Variants in GRIK1 observed in about 807,000 individuals in gnomAD.
The protein encoded by GRIK1 is glutamate ionotropic receptor kainate type subunit 1, also known as glutamate receptor ionotropic, kainate 1.
GRIK1 carries 69 observed loss-of-function variants against 105.7 expected under a neutral mutation model. The ratio of observed to expected loss-of-function variants is 0.65; its 90% CI spans 0.54 to 0.80. The LOEUF (loss-of-function observed/expected upper bound fraction) is 0.80. GRIK1 is among the 30% of genes least tolerant of loss of function. GRIK1 has a pLI of 0.00. For missense variants in GRIK1, 1,109 were observed against 1,167.3 expected, an observed-to-expected ratio of 0.95 and a Z score of 0.73; for synonymous variants, 438 against 431.3, an observed-to-expected ratio of 1.02 and a Z score of -0.19.
chr21:29,834,809 A>G (rs944924505), intron 1 of GRIK1, among the ~76,000 whole-genome samples: 6 of 150,366 alleles, frequency 4.0e-5, no homozygotes, highest in African/African-American at 1.5e-4. Flanking sequence ...TATTTATTCA[A>G]TATTAATATT....
intron 1 of GRIK1, among the ~76,000 whole-genome samples, chr21:29,813,425 A>C (rs2067065330): frequency 6.6e-6 from 1 of 152,178 alleles, no homozygotes; most frequent in African/African-American, 2.4e-5. Context: ...CACAAGAGAA[A>C]GCAGAGATTG....
At chr21:29,905,598 A>G (rs531755839) in intron 1 of GRIK1, among the ~76,000 whole-genome samples, 5 of 146,074 alleles carry the variant, frequency 3.4e-5, no homozygotes, top group South Asian at 4.3e-4. Context: ...AACACGCACC[A>G]TCATGCCCAG....
intron 7 of GRIK1, among the ~76,000 whole-genome samples, chr21:29,634,950 A>G (rs1324699813): frequency 6.6e-6 from 1 of 152,176 alleles, no homozygotes; most frequent in African/African-American, 2.4e-5. Flanking sequence ...TATGTATATC[A>G]CTTTGCTTAT....
At chr21:29,556,950 A>C (rs1344888110) in intron 15 of GRIK1, among the ~76,000 whole-genome samples, 1 of 152,232 alleles carries the variant, frequency 6.6e-6, no homozygotes, top group Non-Finnish European at 1.5e-5. Context: ...GTTTTGAATA[A>C]TTCAAATATC....
chr21:29,629,194 A>AT (rs71335084), intron 7 of GRIK1, among the ~76,000 whole-genome samples: 18 of 132,662 alleles, frequency 1.4e-4, no homozygotes, highest in African/African-American at 5.5e-4. Flanking sequence ...GAAAGGAGAA[A>AT]TGTGTGTGTG....
chr21:29,562,140 T>C (rs2090496610), intron 14 of GRIK1, among the ~76,000 whole-genome samples: 1 of 152,196 alleles, frequency 6.6e-6, no homozygotes, highest in African/African-American at 2.4e-5. Context: ...ACTCTGTTCA[T>C]TTCATGCATT....
rs117432080 is a variant in GRIK1 at position 29,857,944 on chromosome 21, G to T, written c.118+81439C>A. On this transcript the variant is annotated intron_variant, in intron 1 of 17. Coordinates refer to ENST00000327783, the MANE Select transcript of GRIK1 (RefSeq NM_001330994.2). ...AGACAGAATCTTGCTCTGTTGCCCA[G>T]TCTGGAGTGCGGTGTCACGATCTTG... is the stretch of plus-strand genomic sequence containing the variant. 2.0e-5 allele frequency among the ~76,000 whole-genome samples: 3 copies of T among 152,274 alleles called. No individual in the cohort carries two copies. In the East Asian group the frequency reaches 5.8e-4, roughly 29 times the overall value.
chr21:29,687,560 C>A (rs557880927), intron 3 of GRIK1, among the ~76,000 whole-genome samples: 1 of 152,252 alleles, frequency 6.6e-6, no homozygotes, highest in African/African-American at 2.4e-5. Context: ...CAATGGGCGA[C>A]ATACGAAATC....
At chr21:29,876,112 ATGTGTGTGTGTGTGTG>A (rs1555903193) in intron 1 of GRIK1, among the ~76,000 whole-genome samples, 1 of 148,976 alleles carries the variant, frequency 6.7e-6, no homozygotes, top group Non-Finnish European at 1.5e-5. Context: ...GGAGATAGAT[ATGTGTGTGTGTGTGTG>A]TGTGTGTGTG....
rs145867657 is a variant in GRIK1 at position 29,732,397 on chromosome 21, G to A, written c.119-38334C>T. 1.4e-3 allele frequency among the ~76,000 whole-genome samples: 210 copies of A among 152,236 alleles called. 5 individuals carry two copies. The East Asian group carries it at 0.032, about 23-fold the overall frequency. ...TCACTGTTTTTCCCCAACCACTGGCGCTGGCAACTGTAATTTGGGGCTAAC... is the reference window on the plus strand; with the variant it reads ...TCACTGTTTTTCCCCAACCACTGGCACTGGCAACTGTAATTTGGGGCTAAC... On this transcript the variant is annotated intron_variant, in intron 1 of 17. Transcript: ENST00000327783.
chr21:29,876,257 C>A (rs1473221926), intron 1 of GRIK1, among the ~76,000 whole-genome samples: 1 of 151,866 alleles, frequency 6.6e-6, no homozygotes, highest in Admixed American at 6.6e-5. Context: ...ATCATTGGGC[C>A]ATTTCATAAC....
chr21:29,844,479 GAA>G (rs2068064336), intron 1 of GRIK1, among the ~76,000 whole-genome samples: 4 of 152,178 alleles, frequency 2.6e-5, no homozygotes, highest in Admixed American at 2.0e-4. Flanking sequence ...ATGAATTAAG[GAA>G]AGAGATGCTG....
At chr21:29,752,087 T>A (rs2065219914) in intron 1 of GRIK1, among the ~76,000 whole-genome samples, 1 of 152,236 alleles carries the variant, frequency 6.6e-6, no homozygotes, top group Non-Finnish European at 1.5e-5. Context: ...TCTGAGAAAT[T>A]CATGACGTCT....
At chr21:29,729,073 G>T (rs1365619679) in intron 1 of GRIK1, among the ~76,000 whole-genome samples, 4 of 152,166 alleles carry the variant, frequency 2.6e-5, no homozygotes, top group African/African-American at 9.7e-5. Flanking sequence ...GGAGTAAGAT[G>T]AGTGATTGTG....
rs117511522 is a variant in GRIK1 at position 29,804,842 on chromosome 21, G to A, written c.119-110779C>T. On this transcript the variant is annotated intron_variant, in intron 1 of 17. Transcript: ENST00000327783. ...AAAATACTAATAGCAAACTTGTATA[G>A]TATTTACCATAGACCAGGCACTATC... Among the ~76,000 whole-genome samples, 307 of 152,240 alleles carry A rather than the reference G, an allele frequency of 2.0e-3. 9 individuals are homozygous for A. In the East Asian group the frequency reaches 0.052, roughly 26 times the overall value.
intron 1 of GRIK1, among the ~76,000 whole-genome samples, chr21:29,888,850 C>T (rs1484840388): frequency 6.6e-6 from 1 of 151,898 alleles, no homozygotes; most frequent in Non-Finnish European, 1.5e-5. Context: ...TTTTTTTTCC[C>T]CCTCCCCACT....
intron 11 of GRIK1, 137 bp from the exon 12 acceptor site, chr21:29,587,726 A>AT (rs758986642): frequency 1.1e-5 from 6 of 558,102 alleles, no homozygotes; most frequent in Admixed American, 3.4e-5. Flanking sequence ...GTTGGTTCTA[A>AT]TAAAAAAAAG....
intron 15 of GRIK1, among the ~76,000 whole-genome samples, chr21:29,560,292 T>TTTCC (rs2090364633): frequency 1.3e-5 from 1 of 79,812 alleles, no homozygotes; most frequent in African/African-American, 5.7e-5. Context: ...TCTTTCTTTC[T>TTTCC]TTCTTTCTTT....
intron 1 of GRIK1, among the ~76,000 whole-genome samples, chr21:29,857,169 G>A (rs1036411609): frequency 1.3e-5 from 2 of 152,020 alleles, no homozygotes; most frequent in African/African-American, 4.8e-5. Flanking sequence ...GAGCATCAAA[G>A]TAACGTGGAA....
Sources: gnomAD v4.1 joint callset for allele counts (sites outside exome capture counted in the v4.1 genomes callset) on GRCh38, gnomAD v4.1.1 for gene constraint, MANE v1.5 for transcripts, NCBI Gene and HGNC (gene_info 2026-07-23, HGNC 2026-07-21) for gene names.